RPL3: variants seen among roughly 807,000 people sequenced by gnomAD.
RPL3 encodes the protein large ribosomal subunit protein uL3.
A neutral mutation model predicts 46.0 loss-of-function variants in RPL3; 3 were observed. The ratio of observed to expected loss-of-function variants is 0.07; its 90% CI spans 0.03 to 0.17. RPL3 has a LOEUF of 0.17. Among genes scored for constraint, RPL3 ranks in the 10% least tolerant of loss-of-function variants. The pLI is 1.00. For missense variants in RPL3, 387 were observed against 532.7 expected (o/e 0.73, Z 2.69); for synonymous variants, 224 against 190.8 (o/e 1.17, Z -1.43).
In RPL3 at chr22:39,319,616, C is replaced by A. The variant is rs1056854779; in HGVS notation, c.-19G>T. On this transcript the variant is annotated 5_prime_UTR_variant, in exon 1 of 10. Coordinates refer to ENST00000216146, the MANE Select transcript of RPL3 (RefSeq NM_000967.4). ...ATACCATCACGCCATCAAATCCCGC[C>A]GGTAGAGGCCGGTCGGCCTTACGGG... is the stretch of plus-strand genomic sequence containing the variant. 2.6e-6 allele frequency: 4 copies of A among 1,549,764 alleles called. No individual in the cohort carries two copies. The highest frequency in any genetic ancestry group is 1.2e-5 in the South Asian group (1 of 84,740).
Position 39,318,435 on chromosome 22 carries a change from G to A in RPL3, c.161C>T (p.Thr54Ile). 1 of 1,614,056 alleles carries A rather than the reference G, an allele frequency of 6.2e-7. No homozygotes were observed. The highest frequency in any genetic ancestry group is 8.5e-7 in the Non-Finnish European group (1 of 1,179,984). Residue 54 changes from threonine to isoleucine, a missense_variant, in exon 2 of 10, where the codon ACT (threonine) becomes ATT (isoleucine). Physicochemically the swap from Thr to Ile is moderately conservative, Grantham distance 89. This residue lies in a region of RPL3 where 196 missense variants were observed against 217.5 expected (regional missense o/e 0.90). Coordinates refer to ENST00000216146, the MANE Select transcript of RPL3 (RefSeq NM_000967.4). ...TAFLGYKAGM[T>I]HIVREVDRPG... ...CCTGTCGACTTCCCGCACGATGTGA[G>A]TCATGCCAGCCTTGTATCCCAGGAA...
intron 7 of RPL3, 136 bp downstream of exon 7, chr22:39,313,971 T>A: frequency 4.6e-6 from 4 of 862,272 alleles, no homozygotes; most frequent in Non-Finnish European, 8.0e-6. Context: ...GATGACAACA[T>A]GCCACTTACA....
Position 39,317,603 on chromosome 22 carries a change from C to T in RPL3, c.223G>A (p.Ala75Thr), listed in dbSNP as rs777968901. 20 of 1,613,784 alleles carry T rather than the reference C, an allele frequency of 1.2e-5. No individual in the cohort carries two copies. The Middle Eastern group carries it at 4.9e-4, about 40-fold the overall frequency. The change falls in exon 3 of 10, where the codon GCT becomes ACT. Residue 75 changes from alanine to threonine, a missense_variant. Coordinates refer to ENST00000216146, the MANE Select transcript of RPL3 (RefSeq NM_000967.4). ...GGTGGTGTCTCTACAATGGTCACAGCCTCCACCACCTCCTTCTTGTTCACC... is the reference window on the plus strand; with the variant it reads ...GGTGGTGTCTCTACAATGGTCACAGTCTCCACCACCTCCTTCTTGTTCACC... ...SKVNKKEVVEAVTIVETPPMV... is the reference protein window; with the variant it reads ...SKVNKKEVVETVTIVETPPMV...
rs1922472413 is a variant in RPL3 at position 39,313,323 on chromosome 22, A to G, written c.1048-13T>C. On this transcript the variant is annotated splice_polypyrimidine_tract_variant and intron_variant, in intron 8 of 9. Coordinates refer to ENST00000216146, the MANE Select transcript of RPL3 (RefSeq NM_000967.4). ...GCACCAGCAAGGACTATGGGCCAAG[A>G]GGGGAAGGGATTTAGGATTACGAGG... is the stretch of plus-strand genomic sequence containing the variant. 4.3e-6 allele frequency: 7 copies of G among 1,613,940 alleles called. No homozygotes were observed. In the East Asian group the frequency reaches 1.6e-4, roughly 36 times the overall value.
In RPL3 at chr22:39,313,751, A is replaced by G. The variant is rs767902934; in HGVS notation, c.952-22T>C. ...CACCCTGGAAAACGAGCATCGGATC[A>G]GCACAGGCCCAGGAGGGGATTGTCG... On this transcript the variant is annotated intron_variant, in intron 7 of 9. Transcript: ENST00000216146. 58 of 1,609,382 alleles carry G rather than the reference A, an allele frequency of 3.6e-5. 1 individual carries two copies. In the South Asian group the frequency reaches 5.9e-4, roughly 16 times the overall value.
chr22:39,317,026 G>T, intron 3 of RPL3, 185 bp from the exon 4 acceptor site: 1 of 826,336 alleles, frequency 1.2e-6, no homozygotes, highest in Non-Finnish European at 2.0e-6. Flanking sequence ...GCGGAGCTGA[G>T]CAGAGGTCCA....
intron 3 of RPL3, 150 bp downstream of exon 3, chr22:39,317,311 G>C: frequency 1.1e-6 from 1 of 884,532 alleles, no homozygotes; most frequent in South Asian, 1.8e-5. Context: ...GGCCAAGTCT[G>C]ATCCCAGGTA....
At position 39,314,861 on chromosome 22, in the gene RPL3, C is replaced by T. The variant is rs950291085; in HGVS notation, c.689-15G>A. Reference sequence around the variant, plus strand: ...ACTGGTGACCCCTGGAATGGATACACATTACTTCACCTCAGCGCCCAGCAC... The same window carrying T: ...ACTGGTGACCCCTGGAATGGATACATATTACTTCACCTCAGCGCCCAGCAC... On this transcript the variant is annotated splice_polypyrimidine_tract_variant and intron_variant, in intron 5 of 9. Coordinates refer to ENST00000216146, the MANE Select transcript of RPL3 (RefSeq NM_000967.4). 2.5e-6 allele frequency: 4 copies of T among 1,608,130 alleles called. No homozygotes were observed. The South Asian group carries it at 3.3e-5, about 13-fold the overall frequency.
Position 39,318,498 on chromosome 22 carries a change from G to C in RPL3, c.98C>G (p.Pro33Arg), listed in dbSNP as rs1472005805. The change falls in exon 2 of 10, where the codon CCT (proline) becomes CGT (arginine). Residue 33 changes from proline to arginine, a missense_variant. Physicochemically the swap from Pro to Arg is moderately radical, Grantham distance 103. Coordinates refer to ENST00000216146, the MANE Select transcript of RPL3 (RefSeq NM_000967.4). ...SRHRGKVKSF[P>R]KDDPSKPVHL... ...GACCGGCTTGGACGGGTCATCCTTAGGGAAGCTCTTCACCTTCCCACGATG... is the reference window on the plus strand; with the variant it reads ...GACCGGCTTGGACGGGTCATCCTTACGGAAGCTCTTCACCTTCCCACGATG... The C allele has an allele frequency of 5.0e-6, 8 of 1,613,986 alleles. No homozygotes were observed. The highest frequency in any genetic ancestry group is 3.3e-5 in the Admixed American group (2 of 60,000).
rs11547999 is a variant in RPL3, at chr22:39,317,566, A to G, written c.260T>C (p.Val87Ala). Residue 87 changes from valine (V) to alanine (A), a missense_variant, in exon 3 of 10, where the codon GTG becomes GCG. Transcript: ENST00000216146. ...GGTTTCCACGTAGCCCACAATGCCCACAACCACCATGGGTGGTGTCTCTAC... is the reference window on the plus strand; with the variant it reads ...GGTTTCCACGTAGCCCACAATGCCCGCAACCACCATGGGTGGTGTCTCTAC... ...TIVETPPMVV[V>A]GIVGYVETPR... The G allele has an allele frequency of 6.2e-7, 1 of 1,613,964 alleles. No individual in the cohort carries two copies. Among genetic ancestry groups the G allele is most frequent in the Non-Finnish European group, 8.5e-7 (1 of 1,179,850 alleles).
intron 6 of RPL3, 103 bp from the exon 7 acceptor site, chr22:39,314,311 C>A: frequency 1.0e-6 from 1 of 978,932 alleles, no homozygotes. Context: ...GCTGAGGCCT[C>A]AGTCCCAGTC....
At chr22:39,316,572 G>T (rs1017200959) in intron 4 of RPL3, 134 bp downstream of exon 4, 9 of 1,112,938 alleles carry the variant, frequency 8.1e-6, no homozygotes, top group African/African-American at 1.6e-5. Context: ...CTTGCTAAGG[G>T]CCAGTAAGGA....
rs763480859 is a variant in RPL3, at chr22:39,319,565, CAATGA to C, written c.3+25_3+29del. The C allele has an allele frequency of 3.2e-6, 5 of 1,562,960 alleles. No individual in the cohort carries two copies. The African/African-American group carries it at 6.8e-5, about 21-fold the overall frequency. On this transcript the variant is annotated intron_variant, in intron 1 of 9. Coordinates refer to ENST00000216146, the MANE Select transcript of RPL3 (RefSeq NM_000967.4). ...GATTCAGCCGTGCCGACGCCGGTGA[CAATGA>C]AACGGCCGCCATTACAACACATACC...
At chr22:39,315,333 G>C (rs746130566) in intron 5 of RPL3, 36 bp downstream of exon 5, 4 of 1,613,822 alleles carry the variant, frequency 2.5e-6, no homozygotes, top group Admixed American at 1.7e-5. Context: ...TTCTCCCCCA[G>C]GTTTGCACAG....
intron 1 of RPL3, chr22:39,319,288 A>G (rs184168712): frequency 1.0e-4 from 54 of 534,660 alleles, no homozygotes; most frequent in Non-Finnish European, 1.4e-4. Context: ...AATCCCAACT[A>G]ATGATAGAAT....
At chr22:39,314,263 A>T (rs901398615) in intron 6 of RPL3, 55 bp from the exon 7 acceptor site, 2 of 1,481,504 alleles carry the variant, frequency 1.3e-6, no homozygotes, top group Non-Finnish European at 1.9e-6. Context: ...TAACCCAGAC[A>T]TGCCAGTGTG....
rs1253102175 is a variant in RPL3 at position 39,317,633 on chromosome 22, C to G, written c.197-4G>C. On this transcript the variant is annotated splice_region_variant and splice_polypyrimidine_tract_variant and intron_variant, in intron 2 of 9. Transcript: ENST00000216146. ...ACCACCTCCTTCTTGTTCACCTCTG[C>G]AAAAAAAAAGCAGTAGTCAGACTTG... 1.9e-6 allele frequency: 3 copies of G among 1,562,026 alleles called. No homozygotes were observed. Among genetic ancestry groups the G allele is most frequent in the Non-Finnish European group, 2.6e-6 (3 of 1,149,334 alleles).
Position 39,313,669 on chromosome 22 carries a change from C to A in RPL3, c.1012G>T (p.Val338Leu). 1.2e-6 allele frequency: 2 copies of A among 1,614,088 alleles called. No individual in the cohort carries two copies. Among genetic ancestry groups the A allele is most frequent in the Non-Finnish European group, 1.7e-6 (2 of 1,180,038 alleles). Residue 338 changes from valine to leucine, a missense_variant, in exon 8 of 10, where the codon GTG becomes TTG. By Grantham distance (32) the Val-to-Leu change is conservative. Around this residue, in one of 5 missense-constraint regions of RPL3, gnomAD observed 131 missense variants for 185.1 expected, o/e 0.71. Transcript: ENST00000216146. ...GTGAGCACCCGCTTCTTGGTTCCCA[C>A]CACACAGCCTTTCAGCATGACAAAG... ...NDFVMLKGCV[V>L]GTKKRVLTLR...
intron 2 of RPL3, 34 bp from the exon 3 acceptor site, chr22:39,317,663 G>C (rs1922790145): frequency 6.2e-7 from 1 of 1,607,824 alleles, no homozygotes; most frequent in Non-Finnish European, 8.5e-7. Flanking sequence ...GACTTGGCAG[G>C]AGCCCAAGCA....
Sources: gnomAD v4.1 joint callset for allele counts on GRCh38, gnomAD v4.1.1 for gene constraint, gnomAD v4.1.1 regional missense constraint, MANE v1.5 for transcripts, NCBI Gene and HGNC (gene_info 2026-07-23, HGNC 2026-07-21) for gene names.